Variants in RAB38 observed in about 807,000 individuals in gnomAD.
The protein encoded by RAB38 is RAB38, member RAS oncogene family, also known as ras-related protein Rab-38.
Under a neutral mutation model 18.4 loss-of-function variants are expected in RAB38, and 15 were observed. The observed-to-expected ratio is 0.82, with a 90% CI of 0.55 to 1.26. The LOEUF (loss-of-function observed/expected upper bound fraction) is 1.26. Among genes scored for constraint, RAB38 ranks in the 50% most tolerant of loss-of-function variants. The pLI, the probability that RAB38 is intolerant of heterozygous loss-of-function variation, is 0.00. For synonymous variants in RAB38, 101 were observed against 104.4 expected (o/e 0.97, Z 0.20); for missense variants, 294 against 267.4 (o/e 1.10, Z -0.69).
At chr11:87,976,369 A>T in the RAB38 span, among the ~76,000 whole-genome samples, 1 of 141,634 alleles carries the variant, frequency 7.1e-6, no homozygotes, top group South Asian at 2.1e-4. Flanking sequence ...TAAAAAATAT[A>T]TACAAATACA....
the RAB38 span, among the ~76,000 whole-genome samples, chr11:87,839,948 C>A: frequency 6.6e-6 from 1 of 152,156 alleles, no homozygotes; most frequent in African/African-American, 2.4e-5. Context: ...GTATGTGCTA[C>A]TGGCCTCAAA....
At chr11:87,893,371 C>CATATATATATATGTATATAT in the RAB38 span, among the ~76,000 whole-genome samples, 204 of 86,400 alleles carry the variant, frequency 2.4e-3, no homozygotes, top group African/African-American at 7.6e-3. Flanking sequence ...ATATATTTTA[C>CATATATATATATGTATATAT]ATATATATAT....
the RAB38 span, among the ~76,000 whole-genome samples, chr11:88,072,600 G>T: frequency 6.6e-6 from 1 of 152,098 alleles, no homozygotes; most frequent in East Asian, 1.9e-4. Flanking sequence ...GCCCCAAGCA[G>T]ATTGCATGAA....
At chr11:87,855,647 TAAAAG>T in the RAB38 span, among the ~76,000 whole-genome samples, 5 of 152,126 alleles carry the variant, frequency 3.3e-5, no homozygotes, top group Admixed American at 6.6e-5. Flanking sequence ...GATGATAAGA[TAAAAG>T]AAATTACGTA....
chr11:87,960,416 G>T, the RAB38 span, among the ~76,000 whole-genome samples: 1 of 151,114 alleles, frequency 6.6e-6, no homozygotes, highest in Non-Finnish European at 1.5e-5. Context: ...AGACTTTAAC[G>T]TTCAAAGGAC....
chr11:88,093,800 A>G, the RAB38 span, among the ~76,000 whole-genome samples: 4 of 151,922 alleles, frequency 2.6e-5, 1 homozygote, highest in Admixed American at 2.6e-4. Context: ...CTACCTACAT[A>G]TGAAGCACCT....
the RAB38 span, among the ~76,000 whole-genome samples, chr11:88,028,406 A>C: frequency 2.6e-5 from 4 of 152,240 alleles, no homozygotes; most frequent in Admixed American, 6.5e-5. Flanking sequence ...TGAGAGAAGA[A>C]GGCTTCAGAC....
At chr11:87,858,262 G>A in the RAB38 span, among the ~76,000 whole-genome samples, 1 of 151,966 alleles carries the variant, frequency 6.6e-6, no homozygotes, top group African/African-American at 2.4e-5. Context: ...ATCAGCATTG[G>A]CCTACAATGC....
chr11:88,080,020 C>T, the RAB38 span, among the ~76,000 whole-genome samples: 7 of 151,536 alleles, frequency 4.6e-5, no homozygotes, highest in African/African-American at 1.7e-4. Flanking sequence ...TTCTAATTAA[C>T]ATTTTACATG....
At chr11:87,971,923 T>A in the RAB38 span, among the ~76,000 whole-genome samples, 28 of 7,988 alleles carry the variant, frequency 3.5e-3, no homozygotes, top group African/African-American at 4.7e-3. Flanking sequence ...TGTAAAAGCG[T>A]TTTTTTTTTT....
chr11:87,812,690 T>C, the RAB38 span, among the ~76,000 whole-genome samples: 1 of 152,312 alleles, frequency 6.6e-6, no homozygotes, highest in Admixed American at 6.5e-5. Flanking sequence ...GTATCTTCTA[T>C]TCAACTGATC....
At chr11:88,084,742 A>C in the RAB38 span, among the ~76,000 whole-genome samples, 1 of 151,376 alleles carries the variant, frequency 6.6e-6, no homozygotes, top group Non-Finnish European at 1.5e-5. Context: ...CATAATAGTC[A>C]GTTATTTTGG....
the RAB38 span, among the ~76,000 whole-genome samples, chr11:87,944,533 G>A: frequency 2.0e-5 from 3 of 152,056 alleles, no homozygotes; most frequent in South Asian, 6.2e-4. Flanking sequence ...GGTTCTCTGT[G>A]CCTACTCTTC....
chr11:87,943,063 G>A, the RAB38 span, among the ~76,000 whole-genome samples: 19 of 152,010 alleles, frequency 1.2e-4, no homozygotes, highest in Admixed American at 3.9e-4. Context: ...TGAATGAAGT[G>A]AAAAAGTCAA....
the RAB38 span, among the ~76,000 whole-genome samples, chr11:87,889,679 G>C: frequency 1.3e-5 from 2 of 152,004 alleles, no homozygotes; most frequent in South Asian, 4.1e-4. Flanking sequence ...CAAACTGACA[G>C]AGTAGCTAAA....
the RAB38 span, among the ~76,000 whole-genome samples, chr11:87,834,027 A>C: frequency 6.6e-6 from 1 of 152,232 alleles, no homozygotes; most frequent in Non-Finnish European, 1.5e-5. Context: ...CTGGAAGCTA[A>C]GAGATGCAAG....
chr11:88,071,124 C>T, the RAB38 span, among the ~76,000 whole-genome samples: 1 of 152,124 alleles, frequency 6.6e-6, no homozygotes, highest in South Asian at 2.1e-4. Flanking sequence ...AACAGCACTA[C>T]TAGGTGGTGC....
chr11:88,040,302 T>C, the RAB38 span, among the ~76,000 whole-genome samples: 1 of 152,186 alleles, frequency 6.6e-6, no homozygotes, highest in African/African-American at 2.4e-5. Context: ...TCTCCCTGTG[T>C]CCTCACATGG....
the RAB38 span, among the ~76,000 whole-genome samples, chr11:87,948,325 A>G: frequency 6.6e-6 from 1 of 152,198 alleles, no homozygotes. Context: ...TAGATATACA[A>G]CCATGTCATC....
Sources: gnomAD v4.1 joint callset for allele counts (sites outside exome capture counted in the v4.1 genomes callset) on GRCh38, gnomAD v4.1.1 for gene constraint, MANE v1.5 for transcripts, NCBI Gene and HGNC (gene_info 2026-07-23, HGNC 2026-07-21) for gene names.